Variants in TARS3 observed in about 807,000 individuals in gnomAD.
TARS3 encodes threonyl-tRNA synthetase 3.
Under a neutral mutation model 103.5 loss-of-function variants are expected in TARS3, and 94 were observed. The observed-to-expected ratio is 0.91, with a 90% CI of 0.77 to 1.08. The LOEUF (loss-of-function observed/expected upper bound fraction) is 1.08, where lower values mean the gene tolerates loss of function less well. Ranked by LOEUF, TARS3 falls within the 50% of genes least tolerant of loss-of-function variation. The pLI, the probability that TARS3 is intolerant of heterozygous loss-of-function variation, is 0.00. For missense variants in TARS3, 952 were observed against 995.2 expected, an observed-to-expected ratio of 0.96 and a Z score of 0.58; for synonymous variants, 416 against 355.4, an observed-to-expected ratio of 1.17 and a Z score of -1.92.
intron 2 of TARS3, among the ~76,000 whole-genome samples, chr15:101,722,446 A>G (rs901277633): frequency 1.3e-5 from 2 of 151,390 alleles, no homozygotes; most frequent in Non-Finnish European, 2.9e-5. Context: ...TTGATGCTAG[A>G]TAAATACTTA....
At position 101,708,903 on chromosome 15, in the gene TARS3, A is replaced by G. The variant is rs755696783; in HGVS notation, c.820T>C (p.Ser274Pro). 1.9e-6 allele frequency: 3 copies of G among 1,584,124 alleles called. No individual in the cohort carries two copies. In the African/African-American group the frequency reaches 4.1e-5, roughly 22 times the overall value. ...YDMFIEDRAV[S>P]STELSALENI... ...TCCAGGGCTGACAATTCTGTGCTGG[A>G]CACTGCTCTAAAAAGAAGAGCAGAG... is the stretch of plus-strand genomic sequence containing the variant. Residue 274 changes from serine (S) to proline (P), a missense_variant, in exon 6 of 19, where the codon TCC becomes CCC. Around this residue, in one of 2 missense-constraint regions of TARS3, gnomAD observed 412 missense variants for 364.2 expected, o/e 1.13. Coordinates refer to ENST00000335968, the MANE Select transcript of TARS3 (RefSeq NM_152334.3).
intron 3 of TARS3, among the ~76,000 whole-genome samples, chr15:101,720,516 A>G: frequency 6.6e-6 from 1 of 152,202 alleles, no homozygotes. Flanking sequence ...CCTATCAAGA[A>G]TTACAGATTT....
chr15:101,705,372 C>G (rs79251728), intron 7 of TARS3, among the ~76,000 whole-genome samples: 1 of 152,166 alleles, frequency 6.6e-6, no homozygotes, highest in Non-Finnish European at 1.5e-5. Context: ...ATGGCCCCCA[C>G]TGCCACATTA....
intron 15 of TARS3, chr15:101,664,147 C>T (rs1897487998): frequency 6.6e-6 from 1 of 152,378 alleles, no homozygotes; most frequent in Non-Finnish European, 1.5e-5. Flanking sequence ...TGCCACCTGG[C>T]TCCAACTGTC....
chr15:101,694,215 A>G (rs1291555150), intron 10 of TARS3, among the ~76,000 whole-genome samples: 2 of 152,234 alleles, frequency 1.3e-5, no homozygotes, highest in Non-Finnish European at 2.9e-5. Context: ...AAGTCATTTT[A>G]CCTGAGTCAA....
At chr15:101,704,687 AT>A (rs1411708827) in intron 7 of TARS3, among the ~76,000 whole-genome samples, 1 of 151,370 alleles carries the variant, frequency 6.6e-6, no homozygotes, top group Non-Finnish European at 1.5e-5. Context: ...AAAGAAAGCC[AT>A]AAAAGAAAAG....
At position 101,721,282 on chromosome 15, in the gene TARS3, A is replaced by G. The variant is rs752385635; in HGVS notation, c.410T>C (p.Leu137Pro). The change falls in exon 3 of 19, where the codon CTT (leucine) becomes CCT (proline). Residue 137 changes from leucine to proline, a missense_variant. Coordinates refer to ENST00000335968, the MANE Select transcript of TARS3 (RefSeq NM_152334.3). ...ATGGTCTTTCTTCAGTATTTCAAAA[A>G]GCTTCAATCTTTCTTTTATGAAAAT... ...QPIFIKERLK[L>P]FEILKKDHQL... The G allele has an allele frequency of 6.2e-7, 1 of 1,613,464 alleles. No homozygotes were observed. The highest frequency in any genetic ancestry group is 1.1e-5 in the South Asian group (1 of 91,052).
At chr15:101,694,225 A>G (rs1351393674) in intron 10 of TARS3, among the ~76,000 whole-genome samples, 2 of 152,252 alleles carry the variant, frequency 1.3e-5, no homozygotes, top group Non-Finnish European at 2.9e-5. Flanking sequence ...ACCTGAGTCA[A>G]AAACTCAGAA....
At chr15:101,688,362 G>A (rs930821527) in intron 10 of TARS3, among the ~76,000 whole-genome samples, 1 of 152,056 alleles carries the variant, frequency 6.6e-6, no homozygotes, top group Admixed American at 6.6e-5. Flanking sequence ...CTAATGCTGG[G>A]AAAGAGTAAA....
Position 101,680,800 on chromosome 15 carries a change from A to G in TARS3, c.1650+3275T>C, listed in dbSNP as rs74033394. On this transcript the variant is annotated intron_variant, in intron 12 of 18. Transcript: ENST00000335968. ...ATTTTTTGAAGAGCAGAAGTTTTAA[A>G]TTTTGAGGAATCCAATTTATCAACT... Among the ~76,000 whole-genome samples, 1,266 of 152,206 alleles carry G rather than the reference A, an allele frequency of 8.3e-3. 15 individuals carry two copies. Among genetic ancestry groups the G allele is most frequent in the African/African-American group, 0.029 (1,192 of 41,530 alleles).
intron 2 of TARS3, 81 bp downstream of exon 2, chr15:101,723,012 G>A (rs1013111152): frequency 7.4e-5 from 95 of 1,286,224 alleles, no homozygotes; most frequent in Non-Finnish European, 9.8e-5. Flanking sequence ...AATTTTTATT[G>A]GAAATCCTAG....
Position 101,702,287 on chromosome 15 carries a change from T to C in TARS3, c.1173A>G (p.Glu391=), listed in dbSNP as rs1273851305. 1.9e-6 allele frequency: 3 copies of C among 1,614,232 alleles called. No homozygotes were observed. The highest frequency in any genetic ancestry group is 1.7e-5 in the Admixed American group (1 of 60,020). ...FPDNKMMRDW[E]KFQEEAKNRD... ...GGTTCTTTGCTTCCTCTTGGAACTT[T>C]TCCCAGTCTCTCATCATCTTGTTAT... is the stretch of plus-strand genomic sequence containing the variant. The change falls in exon 9 of 19, where the codon GAA becomes GAG. Residue 391 remains glutamate (E), a synonymous_variant. Coordinates refer to ENST00000335968, the MANE Select transcript of TARS3 (RefSeq NM_152334.3).
intron 12 of TARS3, among the ~76,000 whole-genome samples, chr15:101,681,323 G>A (rs1385097838): frequency 6.6e-6 from 1 of 152,154 alleles, no homozygotes; most frequent in African/African-American, 2.4e-5. Context: ...AGGTCTGCTT[G>A]GGTATTGACT....
intron 10 of TARS3, among the ~76,000 whole-genome samples, chr15:101,691,365 T>A (rs1898715437): frequency 6.6e-6 from 1 of 150,436 alleles, no homozygotes. Flanking sequence ...CTGCAGCCTC[T>A]ACCTCCTGGG....
intron 13 of TARS3, among the ~76,000 whole-genome samples, chr15:101,672,508 T>C (rs2141392369): frequency 6.6e-6 from 1 of 152,158 alleles, no homozygotes; most frequent in South Asian, 2.1e-4. Context: ...CGGGTGCCCA[T>C]GAGGGGGCAG....
chr15:101,703,822 C>A (rs1020118328), intron 8 of TARS3, 37 bp downstream of exon 8: 1 of 1,376,234 alleles, frequency 7.3e-7, no homozygotes, highest in African/African-American at 1.4e-5. Flanking sequence ...GCTAGTGCAC[C>A]TTAAGTTTAC....
intron 10 of TARS3, among the ~76,000 whole-genome samples, chr15:101,699,051 G>A (rs1469088686): frequency 6.6e-6 from 1 of 152,116 alleles, no homozygotes; most frequent in African/African-American, 2.4e-5. Context: ...AGTGGCAGAG[G>A]GTGAATGCTC....
In TARS3 at chr15:101,654,532, T is replaced by G; in HGVS notation, c.*50A>C. On this transcript the variant is annotated 3_prime_UTR_variant, in exon 19 of 19. Coordinates refer to ENST00000335968, the MANE Select transcript of TARS3 (RefSeq NM_152334.3). Reference sequence around the variant, plus strand: ...TACTAACATGTTAAGAAAAATACATTTTTAAGGGTCAAAACAAAGTTACAC... The same window carrying G: ...TACTAACATGTTAAGAAAAATACATGTTTAAGGGTCAAAACAAAGTTACAC... 2 of 1,589,244 alleles carry G rather than the reference T, an allele frequency of 1.3e-6. No homozygotes were observed. The highest frequency in any genetic ancestry group is 2.3e-5 in the South Asian group (2 of 88,134).
intron 10 of TARS3, among the ~76,000 whole-genome samples, chr15:101,697,586 C>G (rs1489990683): frequency 6.6e-6 from 1 of 152,082 alleles, no homozygotes; most frequent in South Asian, 2.1e-4. Flanking sequence ...AAAAATGAAA[C>G]CTTCTTATCC....
Sources: gnomAD v4.1 joint callset for allele counts (sites outside exome capture counted in the v4.1 genomes callset) on GRCh38, gnomAD v4.1.1 for gene constraint, gnomAD v4.1.1 regional missense constraint, MANE v1.5 for transcripts, NCBI Gene and HGNC (gene_info 2026-07-23, HGNC 2026-07-21) for gene names.